Variants in CNPY1 observed in about 807,000 individuals in gnomAD.
CNPY1 encodes the protein protein canopy homolog 1.
CNPY1 carries 14 observed loss-of-function variants against 14.4 expected under a neutral mutation model. That is an observed-to-expected ratio of 0.97 (90% CI 0.64 to 1.52). The LOEUF (loss-of-function observed/expected upper bound fraction) is 1.52. Ranked by LOEUF, CNPY1 falls within the 40% of genes most tolerant of loss-of-function variation. CNPY1 has a pLI of 0.00. For synonymous variants in CNPY1, 43 were observed against 46.5 expected, an observed-to-expected ratio of 0.92 and a Z score of 0.31; for missense variants, 129 against 131.5, an observed-to-expected ratio of 0.98 and a Z score of 0.09.
chr7:155,540,112 C>T (rs972722210), intron 2 of CNPY1, among the ~76,000 whole-genome samples: 2 of 152,144 alleles, frequency 1.3e-5, no homozygotes, highest in African/African-American at 4.8e-5. Context: ...TCAGATTCCT[C>T]GGGAAGAGAT....
intron 2 of CNPY1, among the ~76,000 whole-genome samples, chr7:155,516,859 C>T (rs1427436313): frequency 6.6e-6 from 1 of 152,176 alleles, no homozygotes; most frequent in South Asian, 2.1e-4. Context: ...CCTCAGCAGC[C>T]CTCCGGGAAG....
intron 2 of CNPY1, among the ~76,000 whole-genome samples, chr7:155,515,571 G>A (rs780625123): frequency 2.0e-5 from 3 of 152,134 alleles, no homozygotes; most frequent in Non-Finnish European, 2.9e-5. Flanking sequence ...GTCACAAATC[G>A]AGAGGTGTGG....
Position 155,529,531 on chromosome 7 carries a change from C to T in CNPY1, c.99+16300G>A, listed in dbSNP as rs142536475. 2.6e-3 allele frequency among the ~76,000 whole-genome samples: 389 copies of T among 152,264 alleles called. 1 individual carries two copies. Among genetic ancestry groups the T allele is most frequent in the African/African-American group, 8.8e-3 (366 of 41,570 alleles). On this transcript the variant is annotated intron_variant, in intron 2 of 4. Transcript: ENST00000636446. ...GTCCTTCCTTCCCTCTTCATGGTTC[C>T]GGTGGCTGCTGGCAACCCTCGGCAT...
At chr7:155,545,385 T>C (rs1797146627) in intron 2 of CNPY1, among the ~76,000 whole-genome samples, 1 of 152,176 alleles carries the variant, frequency 6.6e-6, no homozygotes, top group Non-Finnish European at 1.5e-5. Context: ...TCCTTCTCCA[T>C]AGCCAACTGT....
At chr7:155,530,729 C>T (rs897634558) in intron 2 of CNPY1, among the ~76,000 whole-genome samples, 1 of 152,186 alleles carries the variant, frequency 6.6e-6, no homozygotes, top group Non-Finnish European at 1.5e-5. Context: ...TTTCATAGAA[C>T]AGGGTTTCTC....
chr7:155,515,303 C>A (rs371279825), intron 2 of CNPY1, among the ~76,000 whole-genome samples: 27 of 129,286 alleles, frequency 2.1e-4, no homozygotes, highest in Admixed American at 4.6e-4. Context: ...CGCCCCCCCC[C>A]CCCCCGGCCC....
chr7:155,533,510 G>A (rs1355583966), intron 2 of CNPY1, among the ~76,000 whole-genome samples: 2 of 152,192 alleles, frequency 1.3e-5, no homozygotes, highest in South Asian at 4.1e-4. Flanking sequence ...GCTCCGGCCC[G>A]CGCAGAGCGG....
At chr7:155,512,490 C>T (rs1796548691) in intron 2 of CNPY1, among the ~76,000 whole-genome samples, 1 of 152,156 alleles carries the variant, frequency 6.6e-6, no homozygotes. Context: ...GGGAGATACC[C>T]ATAGCCCTAC....
In CNPY1 at chr7:155,508,882, A is replaced by G; in HGVS notation, c.303+12T>C. 1 of 1,612,828 alleles carries G rather than the reference A, an allele frequency of 6.2e-7. No individual in the cohort carries two copies. The highest frequency in any genetic ancestry group is 8.5e-7 in the Non-Finnish European group (1 of 1,179,706). ...TGGATCATACGATTCATCTGCAAGG[A>G]AGAGAGCTTACCGCAAATTTCAAAG... On this transcript the variant is annotated intron_variant, in intron 3 of 4. Coordinates refer to ENST00000636446, the MANE Select transcript of CNPY1 (RefSeq NM_001393663.1).
chr7:155,541,715 G>C (rs1797086042), intron 2 of CNPY1, among the ~76,000 whole-genome samples: 1 of 152,178 alleles, frequency 6.6e-6, no homozygotes, highest in African/African-American at 2.4e-5. Context: ...CTTCCTCGAG[G>C]GTCTTGCTGC....
chr7:155,509,889 G>T (rs181427270), intron 2 of CNPY1, among the ~76,000 whole-genome samples: 2 of 152,172 alleles, frequency 1.3e-5, no homozygotes, highest in Non-Finnish European at 1.5e-5. Flanking sequence ...CTCGCCCTTG[G>T]TAACGGAGAC....
intron 2 of CNPY1, among the ~76,000 whole-genome samples, chr7:155,535,698 C>T (rs1435920122): frequency 1.3e-5 from 2 of 152,170 alleles, no homozygotes; most frequent in Non-Finnish European, 2.9e-5. Flanking sequence ...CCCATCCTAC[C>T]TTCCACGGGG....
chr7:155,539,474 C>T (rs1797059972), intron 2 of CNPY1, among the ~76,000 whole-genome samples: 1 of 152,234 alleles, frequency 6.6e-6, no homozygotes, highest in African/African-American at 2.4e-5. Flanking sequence ...CCTGCACCTC[C>T]TGGCTGGCCT....
At chr7:155,509,325 T>C (rs55907517) in intron 2 of CNPY1, among the ~76,000 whole-genome samples, 9,936 of 152,216 alleles carry the variant, frequency 0.065, 381 homozygotes, top group South Asian at 0.11. Flanking sequence ...AAAGTGCATA[T>C]ATTTCAAAGT....
chr7:155,541,330 G>A (rs1797081728), intron 2 of CNPY1, among the ~76,000 whole-genome samples: 1 of 152,194 alleles, frequency 6.6e-6, no homozygotes, highest in Non-Finnish European at 1.5e-5. Flanking sequence ...CCTTGGCTAG[G>A]GAGAATGTTT....
chr7:155,532,605 T>G (rs1019194627), intron 2 of CNPY1, among the ~76,000 whole-genome samples: 2 of 149,968 alleles, frequency 1.3e-5, no homozygotes, highest in African/African-American at 4.9e-5. Context: ...TGGGCGAGAG[T>G]GCGAGACTCC....
intron 2 of CNPY1, among the ~76,000 whole-genome samples, chr7:155,509,724 C>T (rs2116688734): frequency 6.6e-6 from 1 of 152,314 alleles, no homozygotes; most frequent in African/African-American, 2.4e-5. Flanking sequence ...GGCTCACGGA[C>T]GGGCGCCCCA....
chr7:155,503,229 A>G, intron 4 of CNPY1, 124 bp from the exon 5 acceptor site: 1 of 805,094 alleles, frequency 1.2e-6, no homozygotes, highest in Non-Finnish European at 1.9e-6. Flanking sequence ...TATTATGGAA[A>G]TTTTCCCAAA....
chr7:155,541,669 T>C (rs567917200), intron 2 of CNPY1, among the ~76,000 whole-genome samples: 19 of 152,292 alleles, frequency 1.2e-4, no homozygotes, highest in African/African-American at 4.1e-4. Context: ...CGACTGTCCA[T>C]GGGTCTTGCT....
Sources: allele counts gnomAD v4.1 joint callset (sites outside exome capture counted in the v4.1 genomes callset), GRCh38; gene constraint gnomAD v4.1.1; transcripts MANE v1.5; gene names NCBI Gene and HGNC (gene_info 2026-07-23, HGNC 2026-07-21).